Variants in PRKCH observed in about 807,000 individuals in gnomAD.
PRKCH encodes protein kinase C eta, also known as protein kinase C eta type.
A neutral mutation model predicts 82.5 loss-of-function variants in PRKCH; 28 were observed. That is an observed-to-expected ratio of 0.34 (90% CI 0.25 to 0.47). The LOEUF (loss-of-function observed/expected upper bound fraction) is 0.47. Ranked by LOEUF, PRKCH falls within the 20% of genes least tolerant of loss-of-function variation. PRKCH has a pLI of 1.00. For synonymous variants in PRKCH, 322 were observed against 327.4 expected (o/e 0.98, Z 0.18); for missense variants, 705 against 881.8 (o/e 0.80, Z 2.54).
At chr14:61,215,145 G>A (rs2044607901) in intron 1 of PRKCH, among the ~76,000 whole-genome samples, 1 of 152,192 alleles carries the variant, frequency 6.6e-6, no homozygotes, top group African/African-American at 2.4e-5. Context: ...CTTTAGCTAG[G>A]CTGTGGTGCC....
intron 1 of PRKCH, chr14:61,344,308 A>G (rs1185810887): frequency 4.6e-5 from 7 of 152,186 alleles, no homozygotes; most frequent in Non-Finnish European, 8.8e-5. Flanking sequence ...AGTGACTGGC[A>G]TTTCCCAGCC....
chr14:61,497,442 A>G (rs1886718943), intron 10 of PRKCH, among the ~76,000 whole-genome samples: 1 of 152,184 alleles, frequency 6.6e-6, no homozygotes, highest in South Asian at 2.1e-4. Context: ...TCTGTTTGCT[A>G]CCACTTTTGG....
At chr14:61,523,283 G>A (rs928252839) in intron 10 of PRKCH, among the ~76,000 whole-genome samples, 8 of 152,168 alleles carry the variant, frequency 5.3e-5, no homozygotes, top group Non-Finnish European at 1.0e-4. Flanking sequence ...GCAGTATTTC[G>A]ATTATGCATT....
intron 1 of PRKCH, among the ~76,000 whole-genome samples, chr14:61,244,597 G>C (rs1269854531): frequency 6.6e-6 from 1 of 152,170 alleles, no homozygotes; most frequent in Non-Finnish European, 1.5e-5. Flanking sequence ...CTGACCTCCA[G>C]GTGATTTGAA....
chr14:61,387,053 T>C (rs1387029788), intron 1 of PRKCH, among the ~76,000 whole-genome samples: 3 of 152,184 alleles, frequency 2.0e-5, no homozygotes, highest in Non-Finnish European at 2.9e-5. Flanking sequence ...ATTCTGTAGC[T>C]CAGTGGGGGG....
At chr14:61,294,663 T>C (rs1343826301) in intron 1 of PRKCH, among the ~76,000 whole-genome samples, 2 of 152,108 alleles carry the variant, frequency 1.3e-5, no homozygotes, top group Admixed American at 6.6e-5. Flanking sequence ...ACTGTCATAA[T>C]AAGATATCAA....
At chr14:61,252,202 G>T (rs1265402404) in intron 1 of PRKCH, among the ~76,000 whole-genome samples, 1 of 152,098 alleles carries the variant, frequency 6.6e-6, no homozygotes, top group Admixed American at 6.5e-5. Context: ...GCTTCCCTCA[G>T]TATGGAAACC....
chr14:61,500,314 CAGCCTCCCA>C (rs1306653937), intron 10 of PRKCH, among the ~76,000 whole-genome samples: 1 of 151,814 alleles, frequency 6.6e-6, no homozygotes, highest in African/African-American at 2.4e-5. Context: ...CCTCCCACCT[CAGCCTCCCA>C]AGTATCTGGG....
chr14:61,209,068 C>T (rs890458705), intron 1 of PRKCH, among the ~76,000 whole-genome samples: 1 of 152,114 alleles, frequency 6.6e-6, no homozygotes, highest in African/African-American at 2.4e-5. Context: ...AAGGGAATGG[C>T]TTTGCTATTG....
At chr14:61,404,794 T>C (rs1314015668) in intron 2 of PRKCH, among the ~76,000 whole-genome samples, 1 of 151,462 alleles carries the variant, frequency 6.6e-6, no homozygotes, top group Non-Finnish European at 1.5e-5. Context: ...AGGGAGGGAG[T>C]GGACCTTGAG....
At chr14:61,432,991 T>C (rs1883484631) in intron 2 of PRKCH, among the ~76,000 whole-genome samples, 1 of 143,130 alleles carries the variant, frequency 7.0e-6, no homozygotes, top group Non-Finnish European at 1.5e-5. Context: ...GGTGGTTTGC[T>C]GCACCTATTG....
intron 1 of PRKCH, among the ~76,000 whole-genome samples, chr14:61,210,384 C>T (rs971465090): frequency 2.0e-5 from 3 of 151,960 alleles, no homozygotes; most frequent in Non-Finnish European, 4.4e-5. Flanking sequence ...GCACATGTTG[C>T]ATTCCAGCTT....
chr14:61,350,925 G>T (rs747700428), intron 1 of PRKCH, among the ~76,000 whole-genome samples: 1 of 152,168 alleles, frequency 6.6e-6, no homozygotes, highest in Non-Finnish European at 1.5e-5. Flanking sequence ...CTCCTTGTAA[G>T]TGCCAGTTTG....
intron 13 of PRKCH, among the ~76,000 whole-genome samples, chr14:61,549,070 A>T (rs1266607598): frequency 1.3e-5 from 2 of 152,150 alleles, no homozygotes; most frequent in African/African-American, 4.8e-5. Flanking sequence ...CGTTCCTTCA[A>T]TGGTCAGCCC....
At chr14:61,529,905 TAA>T (rs10545403) in intron 11 of PRKCH, among the ~76,000 whole-genome samples, 96,008 of 135,834 alleles carry the variant, frequency 0.71, 32,924 homozygotes, top group Non-Finnish European at 0.8. Context: ...TAAAGTATAA[TAA>T]AAAAAAATAT....
chr14:61,303,853 T>A (rs2045465016), intron 1 of PRKCH: 1 of 151,794 alleles, frequency 6.6e-6, no homozygotes, highest in South Asian at 2.1e-4. Context: ...ATTTTTTTTT[T>A]TTTATGGTTG....
intron 1 of PRKCH, among the ~76,000 whole-genome samples, chr14:61,199,096 C>CA (rs1162574306): frequency 3.9e-5 from 6 of 151,980 alleles, no homozygotes; most frequent in African/African-American, 1.2e-4. Flanking sequence ...TGTCTAACTC[C>CA]AAAAAATGAC....
intron 1 of PRKCH, among the ~76,000 whole-genome samples, chr14:61,376,498 C>T (rs558279683): frequency 7.9e-5 from 12 of 152,306 alleles, no homozygotes; most frequent in Middle Eastern, 3.4e-3. Flanking sequence ...AACCAACTGA[C>T]CCTCTAGATT....
chr14:61,291,323 C>CTTTTTTTTTTTTTTTTTTTTTTT (rs533117559), intron 1 of PRKCH, among the ~76,000 whole-genome samples: 1 of 96,692 alleles, frequency 1.0e-5, no homozygotes, highest in Non-Finnish European at 2.0e-5. Flanking sequence ...CCCTCTGGTT[C>CTTTTTTTTTTTTTTTTTTTTTTT]TTTTTTTTTT....
Sources: gnomAD v4.1 joint callset for allele counts (sites outside exome capture counted in the v4.1 genomes callset) on GRCh38, gnomAD v4.1.1 for gene constraint, MANE v1.5 for transcripts, NCBI Gene and HGNC (gene_info 2026-07-23, HGNC 2026-07-21) for gene names.